FRMD5: variants seen among roughly 807,000 people sequenced by gnomAD.
The protein encoded by FRMD5 is FERM domain-containing protein 5.
Under a neutral mutation model 69.0 loss-of-function variants are expected in FRMD5, and 20 were observed. The ratio of observed to expected loss-of-function variants is 0.29; its 90% CI spans 0.20 to 0.42. The LOEUF is 0.42. FRMD5 is among the 10% of genes least tolerant of loss of function. FRMD5 has a pLI of 1.00. For missense variants in FRMD5, 595 were observed against 708.6 expected (o/e 0.84, Z 1.82); for synonymous variants, 271 against 260.1 (o/e 1.04, Z -0.40).
At chr15:43,923,777 G>GC (rs1233067774) in intron 2 of FRMD5, among the ~76,000 whole-genome samples, 5 of 152,210 alleles carry the variant, frequency 3.3e-5, no homozygotes, top group Non-Finnish European at 4.4e-5. Context: ...GTGCTGAAAG[G>GC]CCCGCGCTGG....
rs2078270663 is a variant in FRMD5 at position 44,195,199 on chromosome 15, TTCCTCCTCCTTA to T, written c.-157_-146del. On this transcript the variant is annotated 5_prime_UTR_variant, in exon 1 of 14. Transcript: ENST00000417257. Reference sequence around the variant, plus strand: ...CTGCCGTTGCCTCCTGCTGGCCTCGTTCCTCCTCCTTATCCTCCTCCTTCCCTCAGCCGCCAC... The same window carrying T: ...CTGCCGTTGCCTCCTGCTGGCCTCGTTCCTCCTCCTTCCCTCAGCCGCCAC... 1 of 577,492 alleles carries T rather than the reference TTCCTCCTCCTTA, an allele frequency of 1.7e-6. No individual in the cohort carries two copies. Among genetic ancestry groups the T allele is most frequent in the African/African-American group, 2.0e-5 (1 of 49,690 alleles). 35.8% of individuals were successfully genotyped at this position (577,492 alleles called of 1,614,324 possible). A position where few individuals can be genotyped will look rare whatever the true frequency, so the allele number is the denominator to read the frequency against.
intron 9 of FRMD5, 26 bp downstream of exon 9, chr15:43,888,783 T>C (rs1372716236): frequency 1.2e-6 from 2 of 1,603,164 alleles, no homozygotes; most frequent in South Asian, 1.1e-5. Flanking sequence ...CCAGCCCTCC[T>C]TGAAGAGAAG....
At chr15:44,088,324 C>T (rs1894291046) in intron 1 of FRMD5, among the ~76,000 whole-genome samples, 1 of 152,170 alleles carries the variant, frequency 6.6e-6, no homozygotes, top group Admixed American at 6.6e-5. Flanking sequence ...TCTCTCCCCA[C>T]CAGCTCTAAG....
At position 44,169,666 on chromosome 15, in the gene FRMD5, C is replaced by T. The variant is rs535466664; in HGVS notation, c.102+25287G>A. On this transcript the variant is annotated intron_variant, in intron 1 of 13. Transcript: ENST00000417257. ...AGATTTCTGGGGACCCTTGCTTTAT[C>T]ACCTCTCATCAAAATATGTGAGCTC... is the stretch of plus-strand genomic sequence containing the variant. Among the ~76,000 whole-genome samples, 107 of 152,248 alleles carry T rather than the reference C, an allele frequency of 7.0e-4. 1 individual carries two copies. The highest frequency in any genetic ancestry group is 2.5e-3 in the African/African-American group (102 of 41,548).
At chr15:44,174,805 A>G (rs1434569612) in intron 1 of FRMD5, among the ~76,000 whole-genome samples, 1 of 152,146 alleles carries the variant, frequency 6.6e-6, no homozygotes, top group East Asian at 1.9e-4. Flanking sequence ...GGGTAAGTCA[A>G]TTTACCTCTC....
chr15:43,937,217 ATAGGAT>A (rs2089775826), intron 1 of FRMD5, among the ~76,000 whole-genome samples: 1 of 152,218 alleles, frequency 6.6e-6, no homozygotes, highest in African/African-American at 2.4e-5. Flanking sequence ...ACAAAATGGC[ATAGGAT>A]CATTGGGCTT....
At chr15:43,888,030 C>T (rs1227729242) in intron 10 of FRMD5, 145 bp downstream of exon 10, 6 of 599,784 alleles carry the variant, frequency 1.0e-5, no homozygotes, top group African/African-American at 9.3e-5. Flanking sequence ...TGCCTTTGGC[C>T]TCAACCTGGC....
chr15:43,950,394 G>A (rs1056112843), intron 1 of FRMD5, among the ~76,000 whole-genome samples: 4 of 152,128 alleles, frequency 2.6e-5, no homozygotes, highest in Non-Finnish European at 5.9e-5. Flanking sequence ...TTTAAAACAC[G>A]CATTCACATA....
intron 1 of FRMD5, among the ~76,000 whole-genome samples, chr15:44,070,325 A>G (rs1243924849): frequency 6.7e-6 from 1 of 149,254 alleles, no homozygotes; most frequent in Admixed American, 6.7e-5. Flanking sequence ...AAAAATAAGA[A>G]AAAAAAAAAA....
chr15:44,063,566 C>T, intron 1 of FRMD5: 1 of 523,120 alleles, frequency 1.9e-6, no homozygotes, highest in South Asian at 1.4e-5. Context: ...CACCTGGTCA[C>T]CAGGGCTGCT....
chr15:44,029,955 CTA>C (rs1314016973), intron 1 of FRMD5, among the ~76,000 whole-genome samples: 2 of 152,156 alleles, frequency 1.3e-5, no homozygotes, highest in African/African-American at 2.4e-5. Flanking sequence ...TGAGTATGGA[CTA>C]TGTTTTATTC....
intron 1 of FRMD5, among the ~76,000 whole-genome samples, chr15:44,156,638 T>C (rs2077533479): frequency 1.3e-5 from 2 of 152,194 alleles, no homozygotes; most frequent in Admixed American, 1.3e-4. Flanking sequence ...AGTTGAGGAA[T>C]ACCTATTAGA....
At chr15:44,175,052 C>T (rs560055979) in intron 1 of FRMD5, among the ~76,000 whole-genome samples, 1 of 152,266 alleles carries the variant, frequency 6.6e-6, no homozygotes, top group South Asian at 2.1e-4. Flanking sequence ...GCACATGTAT[C>T]CCAGAACTTA....
intron 1 of FRMD5, among the ~76,000 whole-genome samples, chr15:43,982,098 C>T (rs902586305): frequency 6.6e-6 from 1 of 152,192 alleles, no homozygotes; most frequent in African/African-American, 2.4e-5. Context: ...TCATGATGTT[C>T]TCTCTATTGG....
At chr15:43,877,169 T>C (rs1002564333) in intron 13 of FRMD5, among the ~76,000 whole-genome samples, 1 of 152,206 alleles carries the variant, frequency 6.6e-6, no homozygotes, top group Non-Finnish European at 1.5e-5. Flanking sequence ...TGGTTCTCTC[T>C]GCCTTTGTGA....
chr15:44,071,912 C>G (rs1218578138), intron 1 of FRMD5, among the ~76,000 whole-genome samples: 1 of 152,220 alleles, frequency 6.6e-6, no homozygotes, highest in Admixed American at 6.5e-5. Context: ...GTCACCCAGG[C>G]TGGAGTGGAG....
chr15:43,971,484 G>C (rs2090376679), intron 1 of FRMD5, among the ~76,000 whole-genome samples: 1 of 151,394 alleles, frequency 6.6e-6, no homozygotes, highest in African/African-American at 2.4e-5. Context: ...AGGAGTTCAA[G>C]ACCAGCCTGA....
At chr15:44,050,461 G>A (rs1892610316) in intron 1 of FRMD5, among the ~76,000 whole-genome samples, 1 of 150,334 alleles carries the variant, frequency 6.7e-6, no homozygotes, top group Admixed American at 6.6e-5. Context: ...CTGAGCTCAA[G>A]CTGTCCTCCT....
intron 1 of FRMD5, among the ~76,000 whole-genome samples, chr15:43,983,235 T>C (rs2090575097): frequency 6.6e-6 from 1 of 152,046 alleles, no homozygotes; most frequent in African/African-American, 2.4e-5. Flanking sequence ...CTGGCCCCAA[T>C]CTTCTAATTT....
Sources: allele counts gnomAD v4.1 joint callset (sites outside exome capture counted in the v4.1 genomes callset), GRCh38; gene constraint gnomAD v4.1.1; transcripts MANE v1.5; gene names NCBI Gene and HGNC (gene_info 2026-07-23, HGNC 2026-07-21).